The following TRERF1 variants were observed in gnomAD, a reference collection of about 807,000 sequenced individuals.
TRERF1 encodes transcriptional regulating factor 1.
A neutral mutation model predicts 122.9 loss-of-function variants in TRERF1; 27 were observed. That is an observed-to-expected ratio of 0.22 (90% confidence interval 0.16 to 0.30). The LOEUF (loss-of-function observed/expected upper bound fraction) is 0.30, where lower values mean the gene tolerates loss of function less well. Ranked by LOEUF, TRERF1 falls within the 10% of genes least tolerant of loss-of-function variation. The pLI is 1.00. For synonymous variants in TRERF1, 636 were observed against 641.7 expected (o/e 0.99, Z 0.13); for missense variants, 1,248 against 1,560.3 (o/e 0.80, Z 3.37).
At chr6:42,355,378 T>C (rs1346292911) in intron 3 of TRERF1, among the ~76,000 whole-genome samples, 1 of 152,374 alleles carries the variant, frequency 6.6e-6, no homozygotes, top group South Asian at 2.1e-4. Flanking sequence ...AAGCTATTCC[T>C]GCATTCCAGG....
intron 3 of TRERF1, among the ~76,000 whole-genome samples, chr6:42,324,759 G>T (rs1279883697): frequency 2.0e-5 from 3 of 152,114 alleles, no homozygotes; most frequent in African/African-American, 7.2e-5. Flanking sequence ...ACTCAAGATG[G>T]ATTAAAGACT....
intron 4 of TRERF1, among the ~76,000 whole-genome samples, chr6:42,277,606 T>C (rs1305651840): frequency 6.6e-6 from 1 of 152,132 alleles, no homozygotes; most frequent in East Asian, 1.9e-4. Context: ...ATCCCAGCAC[T>C]TTGGGAGGCC....
intron 3 of TRERF1, among the ~76,000 whole-genome samples, chr6:42,358,294 T>C (rs1770984833): frequency 6.6e-6 from 1 of 152,278 alleles, no homozygotes; most frequent in African/African-American, 2.4e-5. Flanking sequence ...TCTAAGTTAA[T>C]GACTGCAGGG....
rs1402888946 is a variant in TRERF1, at chr6:42,268,101, C to T, written c.1437+53G>A. On this transcript the variant is annotated intron_variant, in intron 5 of 17. Transcript: ENST00000372922. The surrounding 1 kb of genome is among the most constrained non-coding windows in gnomAD (Gnocchi z 4.4). ...AGAGGATTGAGCACTGCAGACTCAG[C>T]CCTGACCCTGTAGCACACTGGGTAT... The T allele has an allele frequency of 2.8e-6, 4 of 1,409,188 alleles. No homozygotes were observed. Among genetic ancestry groups the T allele is most frequent in the Admixed American group, 2.7e-5 (1 of 37,282 alleles). The allele number at this position is 1,409,188 out of a possible 1,614,324, so 87.3% of individuals were successfully genotyped here.
intron 3 of TRERF1, among the ~76,000 whole-genome samples, chr6:42,334,715 C>T (rs1215402293): frequency 6.6e-6 from 1 of 152,246 alleles, no homozygotes; most frequent in Admixed American, 6.5e-5. Context: ...TCCAAGGCTC[C>T]ACCCAGGCAA....
Position 42,259,239 on chromosome 6 carries a change from CAA to C in TRERF1, c.2269+98_2269+99del. ...CGTGCTACATACAGCCAATACTCCG[CAA>C]AAGTCTGTGGGATAAATGAGAAAGC... On this transcript the variant is annotated intron_variant, in intron 9 of 17. Transcript: ENST00000372922. The surrounding 1 kb of genome is among the most constrained non-coding windows in gnomAD (Gnocchi z 4.9). The C allele has an allele frequency of 7.0e-7, 1 of 1,420,880 alleles. No individual in the cohort carries two copies. The highest frequency in any genetic ancestry group is 9.2e-7 in the Non-Finnish European group (1 of 1,089,480). The allele number at this position is 1,420,880 out of a possible 1,614,324, so 88.0% of individuals were successfully genotyped here.
intron 2 of TRERF1, among the ~76,000 whole-genome samples, chr6:42,397,018 T>C (rs1778709095): frequency 6.6e-6 from 1 of 152,208 alleles, no homozygotes; most frequent in African/African-American, 2.4e-5. Flanking sequence ...TTTCAAACTT[T>C]TTTTAGCAGC....
intron 2 of TRERF1, among the ~76,000 whole-genome samples, chr6:42,385,127 C>T (rs1776579427): frequency 6.6e-6 from 1 of 152,084 alleles, no homozygotes; most frequent in Non-Finnish European, 1.5e-5. Context: ...ACAGGGTGTA[C>T]CACCACGCCC....
At chr6:42,266,032 C>T (rs1237126025) in intron 5 of TRERF1, among the ~76,000 whole-genome samples, 1 of 152,036 alleles carries the variant, frequency 6.6e-6, no homozygotes, top group African/African-American at 2.4e-5. Flanking sequence ...TGCTGCCAGC[C>T]ACAACAAGCC....
chr6:42,374,456 G>C (rs1774442654), intron 2 of TRERF1, among the ~76,000 whole-genome samples: 1 of 152,304 alleles, frequency 6.6e-6, no homozygotes, highest in South Asian at 2.1e-4. Context: ...CCGAGGGGAG[G>C]TAATAGCTTC....
At chr6:42,283,828 C>T (rs1782734178) in intron 4 of TRERF1, among the ~76,000 whole-genome samples, 1 of 151,964 alleles carries the variant, frequency 6.6e-6, no homozygotes, top group African/African-American at 2.4e-5. Context: ...GTTGGTCAGG[C>T]TGGTCTCGAA....
At chr6:42,358,469 C>T (rs1190476618) in intron 3 of TRERF1, among the ~76,000 whole-genome samples, 2 of 152,234 alleles carry the variant, frequency 1.3e-5, no homozygotes, top group South Asian at 2.1e-4. Context: ...TACAGTTGCA[C>T]ATTCAGCAGC....
intron 4 of TRERF1, among the ~76,000 whole-genome samples, chr6:42,298,450 C>T (rs1366335041): frequency 4.0e-5 from 6 of 151,796 alleles, no homozygotes; most frequent in Non-Finnish European, 8.8e-5. Context: ...GCTATTCCCC[C>T]GGCCAGAAGA....
intron 3 of TRERF1, among the ~76,000 whole-genome samples, chr6:42,361,895 G>C (rs1771842163): frequency 6.6e-6 from 1 of 152,318 alleles, no homozygotes; most frequent in Non-Finnish European, 1.5e-5. Flanking sequence ...ATCAGGAGAT[G>C]GGAGATCCAA....
At chr6:42,314,090 T>C (rs1425358329) in intron 3 of TRERF1, among the ~76,000 whole-genome samples, 1 of 151,360 alleles carries the variant, frequency 6.6e-6, no homozygotes, top group African/African-American at 2.4e-5. Flanking sequence ...TCTGGAGAGG[T>C]GCCATAGTGG....
chr6:42,356,762 C>T (rs189543825), intron 3 of TRERF1, among the ~76,000 whole-genome samples: 12 of 151,926 alleles, frequency 7.9e-5, no homozygotes, highest in Admixed American at 2.0e-4. Flanking sequence ...TTTTTAGAGA[C>T]GTGGTTTTGC....
chr6:42,418,266 CTTTTT>C (rs60655151), intron 2 of TRERF1, among the ~76,000 whole-genome samples: 1 of 37,016 alleles, frequency 2.7e-5, no homozygotes, highest in African/African-American at 1.2e-4. Flanking sequence ...TTCTTTCTTT[CTTTTT>C]TTTTTTTTTT....
At chr6:42,448,690 C>T (rs147800912) in intron 2 of TRERF1, among the ~76,000 whole-genome samples, 39 of 152,278 alleles carry the variant, frequency 2.6e-4, no homozygotes, top group Admixed American at 2.3e-3. Context: ...AATCCAAAGC[C>T]CAGAAATGGC....
chr6:42,329,923 A>C (rs1468033048), intron 3 of TRERF1, among the ~76,000 whole-genome samples: 1 of 152,058 alleles, frequency 6.6e-6, no homozygotes, highest in African/African-American at 2.4e-5. Flanking sequence ...CGGGAGGCAG[A>C]CCTTGCAGTG....
Sources: gnomAD v4.1 joint callset for allele counts (sites outside exome capture counted in the v4.1 genomes callset) on GRCh38, gnomAD v4.1.1 for gene constraint, Gnocchi (gnomAD v3.1) non-coding constraint, MANE v1.5 for transcripts, NCBI Gene and HGNC (gene_info 2026-07-23, HGNC 2026-07-21) for gene names.